ABCC4: variants seen among roughly 807,000 people sequenced by gnomAD.
The protein encoded by ABCC4 is ATP binding cassette subfamily C member 4 (PEL blood group).
ABCC4 carries 102 observed loss-of-function variants against 168.5 expected under a neutral mutation model. The observed-to-expected ratio is 0.61, with a 90% CI of 0.52 to 0.71. The LOEUF (loss-of-function observed/expected upper bound fraction) is 0.71. Ranked by LOEUF, ABCC4 falls within the 30% of genes least tolerant of loss-of-function variation. The pLI, the probability that ABCC4 is intolerant of heterozygous loss-of-function variation, is 0.00. For synonymous variants in ABCC4, 617 were observed against 590.7 expected (o/e 1.04, Z -0.65); for missense variants, 1,402 against 1,605.8 (o/e 0.87, Z 2.17).
chr13:95,236,417 T>C (rs9634642), intron 3 of ABCC4, among the ~76,000 whole-genome samples: 74,077 of 151,990 alleles, frequency 0.49, 19,146 homozygotes, highest in East Asian at 0.57. Flanking sequence ...TTGATAGCTG[T>C]TTTCTGTCCA....
At chr13:95,119,786 T>C (rs1352732125) in intron 19 of ABCC4, among the ~76,000 whole-genome samples, 5 of 152,224 alleles carry the variant, frequency 3.3e-5, no homozygotes, top group Non-Finnish European at 5.9e-5. Flanking sequence ...ATATTTGCAT[T>C]GATACATATT....
At chr13:95,121,643 A>G (rs967583948) in intron 19 of ABCC4, among the ~76,000 whole-genome samples, 8 of 151,986 alleles carry the variant, frequency 5.3e-5, no homozygotes, top group Non-Finnish European at 7.4e-5. Flanking sequence ...CTTGAGGCTC[A>G]AGCAATCTGC....
In ABCC4 at chr13:95,022,198, T is replaced by C. The variant is rs539161508; in HGVS notation, c.3871-516A>G. Among the ~76,000 whole-genome samples the C allele has an allele frequency of 2.0e-5, 3 of 152,314 alleles. No individual in the cohort carries two copies. In the East Asian group the frequency reaches 5.8e-4, roughly 29 times the overall value. On this transcript the variant is annotated intron_variant, in intron 30 of 30. Transcript: ENST00000645237. Reference sequence around the variant, plus strand: ...GCGTTTAATTTGTGCGGCAAAGCAGTTATAGGGCCTATAGAAATGTGGTCT... The same window carrying C: ...GCGTTTAATTTGTGCGGCAAAGCAGCTATAGGGCCTATAGAAATGTGGTCT...
At chr13:95,241,179 A>G (rs1353737691) in intron 3 of ABCC4, among the ~76,000 whole-genome samples, 1 of 152,018 alleles carries the variant, frequency 6.6e-6, no homozygotes, top group Non-Finnish European at 1.5e-5. Flanking sequence ...CCTGGCCAAC[A>G]TGGTGAAACC....
chr13:95,225,345 TACTA>T lies in ABCC4; in HGVS notation c.531+9261_531+9264del, dbSNP rs570926992. On this transcript the variant is annotated intron_variant, in intron 4 of 30. Transcript: ENST00000645237. Reference sequence around the variant, plus strand: ...TACAAAAATCAATTGTATTTCTATATACTAACAACAAACGGTAAGTGAAAATTTA... The same window carrying T: ...TACAAAAATCAATTGTATTTCTATATACAACAAACGGTAAGTGAAAATTTA... Among the ~76,000 whole-genome samples the T allele has an allele frequency of 2.4e-3, 361 of 152,318 alleles. 2 individuals are homozygous for T. Among genetic ancestry groups the T allele is most frequent in the Non-Finnish European group, 4.5e-3 (304 of 68,030 alleles).
At chr13:95,188,355 A>T (rs1243256519) in intron 10 of ABCC4, 98 bp downstream of exon 10, 2 of 1,059,582 alleles carry the variant, frequency 1.9e-6, no homozygotes, top group Non-Finnish European at 3.0e-6. Flanking sequence ...AAGTGTACCC[A>T]GTTCAAAATT....
chr13:95,210,871 G>A, intron 4 of ABCC4, 90 bp from the exon 5 acceptor site: 2 of 934,004 alleles, frequency 2.1e-6, no homozygotes, highest in Non-Finnish European at 3.4e-6. Context: ...AGTCTCGTGT[G>A]ATGTCAAGAC....
chr13:95,173,638 G>C (rs1376012362), intron 13 of ABCC4, among the ~76,000 whole-genome samples: 3 of 152,196 alleles, frequency 2.0e-5, no homozygotes, highest in African/African-American at 7.2e-5. Context: ...ACTGCAAAGG[G>C]CAATTTGCCA....
At chr13:95,039,525 GTAAAC>G (rs2032268110) in intron 29 of ABCC4, among the ~76,000 whole-genome samples, 1 of 152,114 alleles carries the variant, frequency 6.6e-6, no homozygotes, top group African/African-American at 2.4e-5. Context: ...AAGTAAAACT[GTAAAC>G]TAAGCCATGC....
At position 95,301,263 on chromosome 13, in the gene ABCC4, G is replaced by T. The variant is rs11568681; in HGVS notation, c.52C>A (p.Leu18Ile). 0.017 allele frequency: 26,874 copies of T among 1,595,572 alleles called. 305 individuals are homozygous for T. The highest frequency in any genetic ancestry group is 0.029 in the Middle Eastern group (174 of 6,006). The part of the protein sequence containing the change: ...VKPNPLQDAN[L>I]CSRVFFWWLN... The stretch of plus-strand genomic sequence containing the variant: ...CACCAGAAGAACACGCGTGAGCAGA[G>T]GTTCGCGTCCTGCAGCGGGTTGGGC... Residue 18 changes from leucine (L) to isoleucine (I), a missense_variant, in exon 1 of 31, where the codon CTC becomes ATC. Leu to Ile is a conservative substitution (Grantham distance 5, BLOSUM62 2). Transcript: ENST00000645237.
chr13:95,199,721 G>C (rs1002029675), intron 8 of ABCC4, among the ~76,000 whole-genome samples: 1 of 152,046 alleles, frequency 6.6e-6, no homozygotes, highest in African/African-American at 2.4e-5. Flanking sequence ...GCCTCCTGAC[G>C]TATCTCCCTG....
chr13:95,244,507 G>C (rs983777598), intron 3 of ABCC4, among the ~76,000 whole-genome samples: 1 of 150,242 alleles, frequency 6.7e-6, no homozygotes, highest in Non-Finnish European at 1.5e-5. Context: ...GTAGGCCAAA[G>C]CTGCAGTGAG....
intron 19 of ABCC4, among the ~76,000 whole-genome samples, chr13:95,118,761 G>A (rs867242203): frequency 6.6e-6 from 1 of 152,192 alleles, no homozygotes; most frequent in African/African-American, 2.4e-5. Flanking sequence ...TTCCTGAGGA[G>A]ACCCAATCTA....
At chr13:95,230,347 A>G (rs2039586186) in intron 4 of ABCC4, among the ~76,000 whole-genome samples, 1 of 152,256 alleles carries the variant, frequency 6.6e-6, no homozygotes, top group African/African-American at 2.4e-5. Context: ...CAGACAAATT[A>G]TTAAAGAATA....
intron 30 of ABCC4, among the ~76,000 whole-genome samples, chr13:95,033,941 A>T (rs2032006423): frequency 6.6e-6 from 1 of 152,272 alleles, no homozygotes; most frequent in East Asian, 1.9e-4. Context: ...GATTACAGGC[A>T]TGAACCACCA....
At chr13:95,154,140 T>C (rs2036780359) in intron 19 of ABCC4, among the ~76,000 whole-genome samples, 1 of 152,226 alleles carries the variant, frequency 6.6e-6, no homozygotes, top group African/African-American at 2.4e-5. Context: ...TGTTATTCCC[T>C]TTATAGTCAC....
At chr13:95,121,506 T>C (rs2035570971) in intron 19 of ABCC4, among the ~76,000 whole-genome samples, 2 of 150,940 alleles carry the variant, frequency 1.3e-5, no homozygotes, top group African/African-American at 4.9e-5. Flanking sequence ...CTCCCTGGGC[T>C]CAACTGATCC....
intron 7 of ABCC4, among the ~76,000 whole-genome samples, chr13:95,207,205 T>C (rs895031652): frequency 3.3e-5 from 5 of 152,164 alleles, no homozygotes; most frequent in Non-Finnish European, 7.3e-5. Flanking sequence ...TGTTTGTATT[T>C]TTAGTAGAGA....
At chr13:95,211,389 G>C (rs188052105) in intron 4 of ABCC4, among the ~76,000 whole-genome samples, 1 of 152,212 alleles carries the variant, frequency 6.6e-6, no homozygotes, top group African/African-American at 2.4e-5. Context: ...CCTGCACAGA[G>C]AACTGGGGAC....
Sources: allele counts gnomAD v4.1 joint callset (sites outside exome capture counted in the v4.1 genomes callset), GRCh38; gene constraint gnomAD v4.1.1; transcripts MANE v1.5; gene names NCBI Gene and HGNC (gene_info 2026-07-23, HGNC 2026-07-21).